Variants in LIFR observed in about 807,000 individuals in gnomAD.
LIFR encodes LIF receptor subunit alpha, also known as leukemia inhibitory factor receptor.
Under a neutral mutation model 122.2 loss-of-function variants are expected in LIFR, and 84 were observed. The observed-to-expected ratio is 0.69, with a 90% confidence interval of 0.58 to 0.82. LIFR has a LOEUF of 0.82. Among genes scored for constraint, LIFR ranks in the 40% least tolerant of loss-of-function variants. LIFR has a pLI of 0.00. For synonymous variants in LIFR, 422 were observed against 434.7 expected (o/e 0.97, Z 0.36); for missense variants, 1,294 against 1,311.6 (o/e 0.99, Z 0.21).
chr5:38,579,558 A>C (rs1166480491), intron 1 of LIFR: 1 of 152,226 alleles, frequency 6.6e-6, no homozygotes, highest in East Asian at 1.9e-4. Context: ...GGCTCTCAGA[A>C]GTCCTGCAAT....
intron 1 of LIFR, among the ~76,000 whole-genome samples, chr5:38,570,561 C>T (rs921058697): frequency 2.0e-5 from 3 of 151,708 alleles, no homozygotes; most frequent in Non-Finnish European, 2.9e-5. Flanking sequence ...TGCACTTTCC[C>T]GGTGTTGCAA....
At chr5:38,489,910 A>C (rs1186448772) in intron 15 of LIFR, among the ~76,000 whole-genome samples, 2 of 146,164 alleles carry the variant, frequency 1.4e-5, no homozygotes, top group Non-Finnish European at 3.0e-5. Flanking sequence ...TGGGAGGATC[A>C]CCTGAGCCCA....
chr5:38,553,673 T>TG (rs56694984), intron 1 of LIFR, among the ~76,000 whole-genome samples: 1 of 103,066 alleles, frequency 9.7e-6, no homozygotes, highest in Non-Finnish European at 2.0e-5. Flanking sequence ...TATATATATA[T>TG]TATATGTATG....
At chr5:38,486,788 A>C (rs1554018867) in intron 16 of LIFR, among the ~76,000 whole-genome samples, 1 of 152,156 alleles carries the variant, frequency 6.6e-6, no homozygotes, top group South Asian at 2.1e-4. Flanking sequence ...ATAAAGATAG[A>C]GCTCTTTTAC....
At chr5:38,574,389 C>T (rs946997335) in intron 1 of LIFR, among the ~76,000 whole-genome samples, 9 of 152,128 alleles carry the variant, frequency 5.9e-5, no homozygotes, top group Admixed American at 3.9e-4. Flanking sequence ...GGTTAGATTC[C>T]GTGATTGCAA....
At chr5:38,600,127 G>A (rs1359396308), upstream of LIFR, among the ~76,000 whole-genome samples, 1 of 152,126 alleles carries the variant, frequency 6.6e-6, no homozygotes, top group African/African-American at 2.4e-5. Flanking sequence ...TCAACCAATT[G>A]CCAATCAGAA....
At chr5:38,559,757 T>C (rs1389496947), upstream of LIFR, among the ~76,000 whole-genome samples, 2 of 152,254 alleles carry the variant, frequency 1.3e-5, no homozygotes, top group African/African-American at 2.4e-5. Flanking sequence ...TAGCAAAATG[T>C]TGAGCTGTAA....
rs148447886 is a variant in LIFR at position 38,602,492 on chromosome 5, T to TCTGAC, written n.305+3712_305+3713insGTCAG. On this transcript the variant is annotated intron_variant and non_coding_transcript_variant, in intron 2 of 3. Transcript: ENST00000507786. ...CCATCATCTTCTCTTTGAGGCCTTCTCTTTTCTTTTTTTTTTCTCCATCTC... is the reference window on the plus strand; with the variant it reads ...CCATCATCTTCTCTTTGAGGCCTTCTCTGACCTTTTCTTTTTTTTTTCTCCATCTC... Among the ~76,000 whole-genome samples the TCTGAC allele has an allele frequency of 6.4e-3, 981 of 152,148 alleles. 10 individuals are homozygous for TCTGAC. Among genetic ancestry groups the TCTGAC allele is most frequent in the African/African-American group, 0.023 (936 of 41,520 alleles).
intron 1 of LIFR, among the ~76,000 whole-genome samples, chr5:38,551,326 T>C (rs1410027046): frequency 6.6e-6 from 1 of 152,210 alleles, no homozygotes; most frequent in Non-Finnish European, 1.5e-5. Flanking sequence ...CCTCAGGGGC[T>C]GCAGCCTAAA....
At chr5:38,557,707 CTTG>C (rs1441252986), upstream of LIFR, 1 of 154,572 alleles carries the variant, frequency 6.5e-6, no homozygotes, top group Non-Finnish European at 1.5e-5. Context: ...ATAACTCTTC[CTTG>C]TTGATCATGT....
At position 38,503,988 on chromosome 5, in the gene LIFR, T is replaced by C. The variant is rs1198546720; in HGVS notation, c.1425A>G (p.Ser475=). 1.0e-5 allele frequency: 16 copies of C among 1,574,704 alleles called. No homozygotes were observed. Among genetic ancestry groups the C allele is most frequent in the Non-Finnish European group, 1.3e-5 (15 of 1,144,678 alleles). ...LCEIEIKKSN[S]VQEQRNVTIK... ...AAGAGAATCTTACCTGCTCTTGTAC[T>C]GAATTAGATTTCTTAATTTCAATTT... is the stretch of plus-strand genomic sequence containing the variant. The change falls in exon 10 of 20, where the codon TCA becomes TCG. Residue 475 remains serine, a synonymous_variant. Transcript: ENST00000453190.
At chr5:38,598,204 G>A (rs1020808364), upstream of LIFR, among the ~76,000 whole-genome samples, 2 of 130,160 alleles carry the variant, frequency 1.5e-5, no homozygotes, top group African/African-American at 5.6e-5. Context: ...TGTATTTTAA[G>A]GCACCTCTTT....
intron 1 of LIFR, among the ~76,000 whole-genome samples, chr5:38,562,907 T>A (rs1748887866): frequency 6.6e-6 from 1 of 152,220 alleles, no homozygotes; most frequent in Non-Finnish European, 1.5e-5. Flanking sequence ...ACTGGGTAGC[T>A]GAAAAATAAC....
intron 5 of LIFR, among the ~76,000 whole-genome samples, chr5:38,522,766 G>A (rs1294438199): frequency 6.6e-6 from 1 of 152,114 alleles, no homozygotes; most frequent in Non-Finnish European, 1.5e-5. Flanking sequence ...TTTTATCTAT[G>A]TACTTGAGCA....
chr5:38,593,578 G>C (rs1322111237), intron 1 of LIFR, among the ~76,000 whole-genome samples: 6 of 151,810 alleles, frequency 4.0e-5, no homozygotes, highest in African/African-American at 1.2e-4. Flanking sequence ...GAAGAGGAGG[G>C]GGATAGACGG....
intron 12 of LIFR, among the ~76,000 whole-genome samples, chr5:38,497,800 G>C (rs1332749005): frequency 2.0e-5 from 3 of 151,938 alleles, no homozygotes; most frequent in African/African-American, 7.3e-5. Flanking sequence ...CCATAATACA[G>C]TTATATACAT....
chr5:38,543,255 C>T (rs867889768), intron 1 of LIFR, among the ~76,000 whole-genome samples: 1 of 151,990 alleles, frequency 6.6e-6, no homozygotes, highest in African/African-American at 2.4e-5. Flanking sequence ...AGGCCACATG[C>T]TCCAGGGAGG....
Position 38,476,826 on chromosome 5 carries a change from GA to G in LIFR, c.*4768del, listed in dbSNP as rs1286247814. 9.4e-6 allele frequency: 2 copies of G among 212,280 alleles called. No individual in the cohort carries two copies. Among genetic ancestry groups the G allele is most frequent in the Non-Finnish European group, 1.9e-5 (2 of 105,034 alleles). 13.1% of individuals were successfully genotyped at this position (212,280 alleles called of 1,614,324 possible). On this transcript the variant is annotated 3_prime_UTR_variant, in exon 20 of 20. Coordinates refer to ENST00000453190, the MANE Select transcript of LIFR (RefSeq NM_001127671.2). Reference sequence around the variant, plus strand: ...TTAACACACAACTTTTAATTCTCATGAAAATGTTGCACAGTTAGAATTTGTC... The same window carrying G: ...TTAACACACAACTTTTAATTCTCATGAAATGTTGCACAGTTAGAATTTGTC...
At position 38,496,583 on chromosome 5, in the gene LIFR, T is replaced by C; in HGVS notation, c.1684A>G (p.Asn562Asp). The change falls in exon 13 of 20, where the codon AAT becomes GAT. Residue 562 changes from asparagine to aspartate, a missense_variant. By Grantham distance (23) the Asn-to-Asp change is conservative. Coordinates refer to ENST00000453190, the MANE Select transcript of LIFR (RefSeq NM_001127671.2). ...GAAAGTATTTTTCCATTAGCTTCAT[T>C]AATGGGTAAAGGCTATGAAAAACAG... ...LIIYWKPLPI[N>D]EANGKILSYN... 1 of 1,610,898 alleles carries C rather than the reference T, an allele frequency of 6.2e-7. No individual in the cohort carries two copies. Among genetic ancestry groups the C allele is most frequent in the Non-Finnish European group, 8.5e-7 (1 of 1,177,078 alleles).
Sources: allele counts gnomAD v4.1 joint callset (sites outside exome capture counted in the v4.1 genomes callset), GRCh38; gene constraint gnomAD v4.1.1; transcripts MANE v1.5; gene names NCBI Gene and HGNC (gene_info 2026-07-23, HGNC 2026-07-21).